Variants in DLGAP4 observed in about 807,000 individuals in gnomAD.
DLGAP4 encodes the protein disks large-associated protein 4.
In DLGAP4, 18 loss-of-function variants were observed where a neutral mutation model predicts 86.9. The observed-to-expected ratio is 0.21, with a 90% CI of 0.14 to 0.31. The LOEUF (loss-of-function observed/expected upper bound fraction) is 0.31, where lower values mean the gene tolerates loss of function less well. Ranked by LOEUF, DLGAP4 falls within the 10% of genes least tolerant of loss-of-function variation. The pLI is 1.00. For synonymous variants in DLGAP4, 548 were observed against 574.3 expected (o/e 0.95, Z 0.65); for missense variants, 1,085 against 1,362.6 (o/e 0.80, Z 3.21).
Position 36,431,841 on chromosome 20 carries a change from C to T in DLGAP4, c.124C>T (p.Arg42Cys), listed in dbSNP as rs376864546. 1.4e-5 allele frequency: 23 copies of T among 1,613,854 alleles called. No homozygotes were observed. The highest frequency in any genetic ancestry group is 4.5e-5 in the East Asian group (2 of 44,880). The change falls in exon 3 of 13, where the codon CGC becomes TGC. Residue 42 changes from arginine to cysteine, a missense_variant. Arg to Cys is a radical substitution (Grantham distance 180, BLOSUM62 -3). Around this residue, in one of 2 missense-constraint regions of DLGAP4, gnomAD observed 1,082 missense variants for 1,344.1 expected, o/e 0.81. Transcript: ENST00000339266. This position sits in a 1 kb window ranked among gnomAD's most constrained non-coding sequence, Gnocchi z 5.1. ...GCTGTCGCCCACGGAGGCCTTCGCCCGCGAGGCCCGCTTCCCCGGGCAGAA... is the reference window on the plus strand; with the variant it reads ...GCTGTCGCCCACGGAGGCCTTCGCCTGCGAGGCCCGCTTCCCCGGGCAGAA... ...YLLSPTEAFA[R>C]EARFPGQNTL...
At chr20:36,327,414 A>G (rs1254003197) in intron 1 of DLGAP4, among the ~76,000 whole-genome samples, 1 of 152,000 alleles carries the variant, frequency 6.6e-6, no homozygotes, top group Non-Finnish European at 1.5e-5. Context: ...GTGAAGATTT[A>G]TAATTTATAA....
At chr20:36,460,829 G>A (rs140432913) in intron 7 of DLGAP4, among the ~76,000 whole-genome samples, 34 of 152,358 alleles carry the variant, frequency 2.2e-4, no homozygotes, top group Non-Finnish European at 3.7e-4. Flanking sequence ...TTATTTTACG[G>A]GGGAGGAATG....
At chr20:36,422,574 G>C (rs1181500656) in intron 2 of DLGAP4, among the ~76,000 whole-genome samples, 1 of 152,184 alleles carries the variant, frequency 6.6e-6, no homozygotes, top group African/African-American at 2.4e-5. Context: ...TGGCTTAAGG[G>C]AATGATGCAG....
intron 1 of DLGAP4, among the ~76,000 whole-genome samples, chr20:36,348,660 G>A (rs972771958): frequency 1.4e-4 from 21 of 151,922 alleles, no homozygotes; most frequent in African/African-American, 4.6e-4. Flanking sequence ...CTTGTGATCC[G>A]CCCACTTCGG....
intron 3 of DLGAP4, 76 bp from the exon 4 acceptor site, chr20:36,436,033 G>A (rs6066606): frequency 1.4e-6 from 2 of 1,457,656 alleles, no homozygotes; most frequent in Non-Finnish European, 1.8e-6. Flanking sequence ...GGGAGCTTCA[G>A]GTCCCGGAGA....
At chr20:36,414,264 T>A (rs1205019416) in intron 2 of DLGAP4, among the ~76,000 whole-genome samples, 2 of 152,140 alleles carry the variant, frequency 1.3e-5, no homozygotes, top group Non-Finnish European at 2.9e-5. Flanking sequence ...CAGACCCTGC[T>A]GGAATGGGAA....
At chr20:36,410,306 G>T (rs903653074) in intron 2 of DLGAP4, among the ~76,000 whole-genome samples, 7 of 152,178 alleles carry the variant, frequency 4.6e-5, no homozygotes, top group Admixed American at 4.6e-4. Flanking sequence ...CACTGGGAGG[G>T]TGGAAGTGCT....
At chr20:36,331,347 C>A (rs552614225) in intron 1 of DLGAP4, among the ~76,000 whole-genome samples, 20 of 152,358 alleles carry the variant, frequency 1.3e-4, no homozygotes, top group African/African-American at 4.8e-4. Flanking sequence ...TCTCCGGCAT[C>A]CCCAGCTGCC....
chr20:36,392,242 G>A (rs1216462302), intron 2 of DLGAP4, among the ~76,000 whole-genome samples: 1 of 152,192 alleles, frequency 6.6e-6, no homozygotes, highest in African/African-American at 2.4e-5. Flanking sequence ...TGTGTCAGAG[G>A]AAATCTGGAA....
At chr20:36,381,964 A>G (rs2147445893) in intron 2 of DLGAP4, among the ~76,000 whole-genome samples, 1 of 152,262 alleles carries the variant, frequency 6.6e-6, no homozygotes, top group Non-Finnish European at 1.5e-5. Flanking sequence ...CCTTGTTTCC[A>G]TCCTTGCCCA....
At chr20:36,521,969 C>CG (rs2037405755) in intron 10 of DLGAP4, among the ~76,000 whole-genome samples, 1 of 152,064 alleles carries the variant, frequency 6.6e-6, no homozygotes, top group Non-Finnish European at 1.5e-5. Flanking sequence ...TTGTGAGAGA[C>CG]GGGCCAGGAC....
intron 2 of DLGAP4, among the ~76,000 whole-genome samples, chr20:36,423,455 C>T (rs1202685465): frequency 1.0e-3 from 17 of 16,334 alleles, no homozygotes; most frequent in Non-Finnish European, 1.7e-3. Context: ...GACTCCGTCT[C>T]AAAAAAAAAA....
At chr20:36,380,459 A>G (rs1335617459) in intron 2 of DLGAP4, among the ~76,000 whole-genome samples, 1 of 152,002 alleles carries the variant, frequency 6.6e-6, no homozygotes, top group Admixed American at 6.6e-5. Flanking sequence ...ATGGTGGCAC[A>G]TTCCTGTAGT....
At chr20:36,496,292 G>A (rs2035882995) in intron 7 of DLGAP4, among the ~76,000 whole-genome samples, 1 of 152,120 alleles carries the variant, frequency 6.6e-6, no homozygotes. Flanking sequence ...TGACCTTGAA[G>A]ATAGCAAGGT....
intron 2 of DLGAP4, among the ~76,000 whole-genome samples, chr20:36,372,007 C>T (rs2030959285): frequency 6.6e-6 from 1 of 152,146 alleles, no homozygotes; most frequent in Admixed American, 6.5e-5. Context: ...CTACCCACCT[C>T]AATGGGATAA....
At chr20:36,445,051 G>A (rs2033553692) in intron 6 of DLGAP4, among the ~76,000 whole-genome samples, 1 of 152,056 alleles carries the variant, frequency 6.6e-6, no homozygotes, top group Admixed American at 6.6e-5. Context: ...CCAACTCCTG[G>A]GCTCAAGTTA....
intron 7 of DLGAP4, among the ~76,000 whole-genome samples, chr20:36,473,469 CG>C (rs2034769057): frequency 6.6e-6 from 1 of 152,140 alleles, no homozygotes; most frequent in South Asian, 2.1e-4. Flanking sequence ...GAGAGAGTAT[CG>C]TAACACCCAG....
chr20:36,338,974 G>C (rs1165814817), intron 1 of DLGAP4, among the ~76,000 whole-genome samples: 1 of 152,258 alleles, frequency 6.6e-6, no homozygotes, highest in Non-Finnish European at 1.5e-5. Context: ...AGAGCCAGAG[G>C]GAGGAGGCTG....
rs1569449374 is a variant in DLGAP4 at position 36,308,145 on chromosome 20, T to A, written c.-304+1633T>A. Among the ~76,000 whole-genome samples the A allele has an allele frequency of 6.6e-6, 1 of 152,146 alleles. No individual in the cohort carries two copies. The highest frequency in any genetic ancestry group is 1.5e-5 in the Non-Finnish European group (1 of 68,018). On this transcript the variant is annotated intron_variant, in intron 1 of 12. Coordinates refer to ENST00000339266, the MANE Select transcript of DLGAP4 (RefSeq NM_001365621.2). The surrounding 1 kb of genome is among the most constrained non-coding windows in gnomAD (Gnocchi z 4.5). ...CGTGGGGCTGGCTAGAGTGCCTGTC[T>A]CCCGCTGTGGCAGGGGTAGGCCAGG...
Sources: gnomAD v4.1 joint callset for allele counts (sites outside exome capture counted in the v4.1 genomes callset) on GRCh38, gnomAD v4.1.1 for gene constraint, gnomAD v4.1.1 regional missense constraint, Gnocchi (gnomAD v3.1) non-coding constraint, MANE v1.5 for transcripts, NCBI Gene and HGNC (gene_info 2026-07-23, HGNC 2026-07-21) for gene names.